NTF3: variants seen among roughly 807,000 people sequenced by gnomAD.
NTF3 encodes neurotrophin 3.
In NTF3, 8 loss-of-function variants were observed where a neutral mutation model predicts 26.3. The ratio of observed to expected loss-of-function variants is 0.30; its 90% CI spans 0.18 to 0.55. The LOEUF (loss-of-function observed/expected upper bound fraction) is 0.55. Ranked by LOEUF, NTF3 falls within the 20% of genes least tolerant of loss-of-function variation. NTF3 has a pLI of 0.93. For synonymous variants in NTF3, 154 were observed against 145.5 expected, an observed-to-expected ratio of 1.06 and a Z score of -0.42; for missense variants, 276 against 352.9, an observed-to-expected ratio of 0.78 and a Z score of 1.75.
intron 1 of NTF3, among the ~76,000 whole-genome samples, chr12:5,471,730 C>T (rs1030305611): frequency 3.3e-5 from 5 of 152,080 alleles, no homozygotes; most frequent in African/African-American, 4.8e-5. Context: ...TGGGCATTTC[C>T]TTCTGGATCT....
intron 1 of NTF3, among the ~76,000 whole-genome samples, chr12:5,486,493 A>C (rs931124663): frequency 6.6e-6 from 1 of 152,202 alleles, no homozygotes; most frequent in African/African-American, 2.4e-5. Flanking sequence ...ATTGAAAATC[A>C]ATTACTCAGC....
chr12:5,466,172 A>G (rs749859811), intron 1 of NTF3, among the ~76,000 whole-genome samples: 5 of 152,174 alleles, frequency 3.3e-5, no homozygotes, highest in Non-Finnish European at 7.3e-5. Flanking sequence ...CCACCTTGTC[A>G]TCTCATCAGA....
intron 1 of NTF3, among the ~76,000 whole-genome samples, chr12:5,436,116 G>A (rs1940165045): frequency 6.6e-6 from 1 of 152,182 alleles, no homozygotes; most frequent in South Asian, 2.1e-4. Flanking sequence ...TGAGGCAACT[G>A]GGTAGGAACA....
chr12:5,444,393 T>A (rs982516408), intron 1 of NTF3, among the ~76,000 whole-genome samples: 1 of 150,664 alleles, frequency 6.6e-6, no homozygotes, highest in Non-Finnish European at 1.5e-5. Flanking sequence ...AGAGCAGGAG[T>A]CCCCAGCAAC....
At chr12:5,449,049 A>G (rs1227900384) in intron 1 of NTF3, among the ~76,000 whole-genome samples, 1 of 152,238 alleles carries the variant, frequency 6.6e-6, no homozygotes, top group Non-Finnish European at 1.5e-5. Flanking sequence ...CCTATTGAAT[A>G]TCACTCAAGA....
intron 1 of NTF3, among the ~76,000 whole-genome samples, chr12:5,481,130 T>C (rs536027293): frequency 2.8e-4 from 43 of 152,180 alleles, no homozygotes; most frequent in African/African-American, 9.9e-4. Flanking sequence ...TTTAGACCCC[T>C]GTGGACTAGC....
At chr12:5,464,772 G>A (rs936529543) in intron 1 of NTF3, among the ~76,000 whole-genome samples, 3 of 152,144 alleles carry the variant, frequency 2.0e-5, no homozygotes, top group African/African-American at 7.2e-5. Flanking sequence ...AGTATTACAT[G>A]AGTAAATTAT....
At position 5,466,955 on chromosome 12, in the gene NTF3, G is replaced by A. The variant is rs368504688; in HGVS notation, c.19-27239G>A. 1.9e-4 allele frequency among the ~76,000 whole-genome samples: 29 copies of A among 152,182 alleles called. 1 individual carries two copies. The highest frequency in any genetic ancestry group is 4.3e-4 in the African/African-American group (18 of 41,518). ...CCCTTAAAAAGTCGGGTGCTTGGCC[G>A]GGTGCAGTGGCTCACGCCTGTAATT... On this transcript the variant is annotated intron_variant, in intron 1 of 1. Transcript: ENST00000423158.
intron 1 of NTF3, among the ~76,000 whole-genome samples, chr12:5,440,587 G>A (rs1940224446): frequency 6.6e-6 from 1 of 152,200 alleles, no homozygotes. Flanking sequence ...TTTCCCAACA[G>A]GTGTGTCCCA....
chr12:5,494,609 G>T lies in NTF3; in HGVS notation c.434G>T (p.Arg145Ile). The T allele has an allele frequency of 6.2e-7, 1 of 1,614,126 alleles. No individual in the cohort carries two copies. The highest frequency in any genetic ancestry group is 1.3e-5 in the African/African-American group (1 of 75,026). Residue 145 changes from arginine to isoleucine, a missense_variant, in exon 2 of 2, where the codon AGA becomes ATA. Arg to Ile is a moderately conservative substitution (Grantham distance 97, BLOSUM62 -3). Coordinates refer to ENST00000423158, the MANE Select transcript of NTF3 (RefSeq NM_001102654.2). The surrounding 1 kb of genome is among the most constrained non-coding windows in gnomAD (Gnocchi z 8.3). ...GTGGGCAGCCCCGTGGTGGCGAACA[G>T]AACATCACGGCGGAAACGGTACGCG... ...DYVGSPVVAN[R>I]TSRRKRYAEH...
Position 5,433,932 on chromosome 12 carries a change from G to A in NTF3, c.18+1590G>A, listed in dbSNP as rs954417698. 6.6e-6 allele frequency among the ~76,000 whole-genome samples: 1 copy of A among 152,186 alleles called. No individual in the cohort carries two copies. On this transcript the variant is annotated intron_variant, in intron 1 of 1. Transcript: ENST00000423158. This position sits in a 1 kb window ranked among gnomAD's most constrained non-coding sequence, Gnocchi z 4.6. ...TTTGTAACTCAGCTGATTATGGAGT[G>A]CACTGAGCGACCTGCTTTTTAAATA...
chr12:5,452,496 C>G (rs1208951410), intron 1 of NTF3, among the ~76,000 whole-genome samples: 1 of 152,172 alleles, frequency 6.6e-6, no homozygotes, highest in Non-Finnish European at 1.5e-5. Flanking sequence ...GCACATTTTC[C>G]TTTTGGTCAC....
chr12:5,486,813 A>G (rs1940871225), intron 1 of NTF3, among the ~76,000 whole-genome samples: 1 of 152,106 alleles, frequency 6.6e-6, no homozygotes, highest in Non-Finnish European at 1.5e-5. Flanking sequence ...ATAGTTTCAA[A>G]TTTTTCAAAA....
chr12:5,490,057 C>T (rs529690738), intron 1 of NTF3, among the ~76,000 whole-genome samples: 1 of 152,278 alleles, frequency 6.6e-6, no homozygotes, highest in East Asian at 1.9e-4. Flanking sequence ...GGGAAATGGG[C>T]ACTGGGGAGA....
At chr12:5,476,488 A>G (rs1258178048) in intron 1 of NTF3, among the ~76,000 whole-genome samples, 1 of 152,220 alleles carries the variant, frequency 6.6e-6, no homozygotes. Context: ...CAAGTAGTTC[A>G]TAGGCCGCGT....
In NTF3 at chr12:5,444,331, G is replaced by T. The variant is rs187604622; in HGVS notation, c.18+11989G>T. Among the ~76,000 whole-genome samples the T allele has an allele frequency of 1.8e-3, 277 of 152,296 alleles. 1 individual carries two copies. Among genetic ancestry groups the T allele is most frequent in the Non-Finnish European group, 3.2e-3 (215 of 68,024 alleles). On this transcript the variant is annotated intron_variant, in intron 1 of 1. Transcript: ENST00000423158. ...CCACAGAAAGAGAGCGTGAGCAGGG[G>T]CTGGGGCAGAGATAAAAGGGAGATT...
intron 1 of NTF3, among the ~76,000 whole-genome samples, chr12:5,465,284 A>T (rs1338871354): frequency 6.6e-6 from 1 of 152,254 alleles, no homozygotes; most frequent in African/African-American, 2.4e-5. Flanking sequence ...CTTTGGCTGC[A>T]GGCCGTTGCC....
chr12:5,484,014 A>G (rs1237624435), intron 1 of NTF3, among the ~76,000 whole-genome samples: 2 of 152,226 alleles, frequency 1.3e-5, no homozygotes, highest in African/African-American at 4.8e-5. Flanking sequence ...AGTGTCAGAC[A>G]TGCTGTGTTG....
intron 1 of NTF3, among the ~76,000 whole-genome samples, chr12:5,486,035 C>T (rs1236158785): frequency 6.6e-6 from 1 of 152,174 alleles, no homozygotes; most frequent in African/African-American, 2.4e-5. Flanking sequence ...CCAGACCAGA[C>T]CGCCAATCAA....
Sources: allele counts gnomAD v4.1 joint callset (sites outside exome capture counted in the v4.1 genomes callset), GRCh38; gene constraint gnomAD v4.1.1; non-coding constraint Gnocchi (gnomAD v3.1); transcripts MANE v1.5; gene names NCBI Gene and HGNC (gene_info 2026-07-23, HGNC 2026-07-21).